Variants in SLCO1C1 observed in about 807,000 individuals in gnomAD.
SLCO1C1 encodes the protein solute carrier organic anion transporter family member 1C1.
A neutral mutation model predicts 76.4 loss-of-function variants in SLCO1C1; 70 were observed. The ratio of observed to expected loss-of-function variants is 0.92; its 90% CI spans 0.76 to 1.12. SLCO1C1 has a LOEUF of 1.12. Ranked by LOEUF, SLCO1C1 falls within the 50% of genes most tolerant of loss-of-function variation. The pLI is 0.00. For missense variants in SLCO1C1, 912 were observed against 823.8 expected (o/e 1.11, Z -1.31); for synonymous variants, 306 against 286.1 (o/e 1.07, Z -0.70).
chr12:20,717,638 A>T (rs912888572), intron 7 of SLCO1C1, among the ~76,000 whole-genome samples: 1 of 136,868 alleles, frequency 7.3e-6, no homozygotes, highest in Admixed American at 7.4e-5. Context: ...CTGGCAACCA[A>T]ACAGCCCTTC....
At chr12:20,725,299 ATAT>A (rs1947921490) in intron 9 of SLCO1C1, among the ~76,000 whole-genome samples, 1 of 134,954 alleles carries the variant, frequency 7.4e-6, no homozygotes, top group Non-Finnish European at 1.6e-5. Context: ...TATTTATAAT[ATAT>A]TATAGCATAT....
At chr12:20,717,099 CT>C (rs3983551) in intron 6 of SLCO1C1, 32 bp from the exon 7 acceptor site, 36,507 of 1,130,166 alleles carry the variant, frequency 0.032, 19 homozygotes, top group South Asian at 0.052. Context: ...GAAATGACAG[CT>C]TTTTTTTTTT....
At chr12:20,723,368 G>A in intron 9 of SLCO1C1, 114 bp downstream of exon 9, 1 of 1,267,824 alleles carries the variant, frequency 7.9e-7, no homozygotes, top group South Asian at 1.4e-5. Context: ...TGACATTTTA[G>A]ATGAGCTCAA....
intron 13 of SLCO1C1, among the ~76,000 whole-genome samples, chr12:20,746,356 GA>G (rs34727412): frequency 1.3e-5 from 2 of 151,716 alleles, no homozygotes; most frequent in African/African-American, 4.8e-5. Flanking sequence ...AAATAAAGGA[GA>G]AAAAAATCAT....
intron 5 of SLCO1C1, among the ~76,000 whole-genome samples, chr12:20,714,154 G>A (rs1947260297): frequency 1.3e-5 from 2 of 152,172 alleles, no homozygotes; most frequent in Non-Finnish European, 2.9e-5. Flanking sequence ...GCCCAAAGGT[G>A]TTCACCTTAG....
chr12:20,752,322 C>T lies in SLCO1C1; in HGVS notation c.1933C>T (p.Leu645=), dbSNP rs779611423. ...SNVFRHIYLG[L]TVILGTVSIL... ...TTCTTCTAGACATATATATCTGGGA[C>T]TAACTGTGATACTGGGCACAGTGTC... Residue 645 remains leucine, a synonymous_variant, in exon 15 of 15, where the codon CTA becomes TTA. Coordinates refer to ENST00000266509, the MANE Select transcript of SLCO1C1 (RefSeq NM_017435.5). 6.9e-6 allele frequency: 11 copies of T among 1,592,374 alleles called. No individual in the cohort carries two copies. The highest frequency in any genetic ancestry group is 9.4e-6 in the Non-Finnish European group (11 of 1,167,276).
At position 20,701,587 on chromosome 12, in the gene SLCO1C1, T is replaced by TTTTTC. The variant is rs58577558; in HGVS notation, c.271+128_271+129insTTTTC. ...TTCATAAAATCTTTTTTTTTTTTTT[T>TTTTTC]GGACAGAATTTACCATGATCTTATT... is the stretch of plus-strand genomic sequence containing the variant. On this transcript the variant is annotated intron_variant, in intron 3 of 14. Coordinates refer to ENST00000266509, the MANE Select transcript of SLCO1C1 (RefSeq NM_017435.5). The TTTTTC allele has an allele frequency of 2.0e-5, 17 of 835,100 alleles. No homozygotes were observed. In the African/African-American group the frequency reaches 3.0e-4, roughly 15 times the overall value. The allele number at this position is 835,100 out of a possible 1,614,324, so 51.7% of individuals were successfully genotyped here. A position where few individuals can be genotyped will look rare whatever the true frequency, so the allele number is the denominator to read the frequency against.
At chr12:20,744,699 G>A (rs1300981485) in intron 13 of SLCO1C1, among the ~76,000 whole-genome samples, 1 of 152,064 alleles carries the variant, frequency 6.6e-6, no homozygotes, top group African/African-American at 2.4e-5. Flanking sequence ...GGAAAATGAT[G>A]TTCTTTATTG....
chr12:20,711,300 A>AC (rs1947085502), intron 4 of SLCO1C1, 86 bp from the exon 5 acceptor site: 1 of 1,431,742 alleles, frequency 7.0e-7, no homozygotes, highest in South Asian at 1.4e-5. Context: ...TCAACCTGGT[A>AC]CCCTAACGAT....
chr12:20,704,689 G>C (rs922097172), intron 3 of SLCO1C1, among the ~76,000 whole-genome samples: 2 of 149,684 alleles, frequency 1.3e-5, no homozygotes, highest in Non-Finnish European at 3.0e-5. Flanking sequence ...ACTAAAGCTG[G>C]CAATGTGCGT....
rs543758275 is a variant in SLCO1C1 at position 20,735,387 on chromosome 12, T to C, written c.1383-1720T>C. On this transcript the variant is annotated intron_variant, in intron 10 of 14. Coordinates refer to ENST00000266509, the MANE Select transcript of SLCO1C1 (RefSeq NM_017435.5). ...AATTTGAGCATGTTACCCACCCACG[T>C]AGGGGCTGACTTCCTTGATCTGCCA... is the stretch of plus-strand genomic sequence containing the variant. Among the ~76,000 whole-genome samples the C allele has an allele frequency of 1.1e-3, 165 of 152,248 alleles. 1 individual carries two copies. The highest frequency in any genetic ancestry group is 5.8e-4 in the East Asian group (3 of 5,180).
intron 9 of SLCO1C1, among the ~76,000 whole-genome samples, chr12:20,728,091 G>A (rs1193498040): frequency 6.6e-6 from 1 of 152,126 alleles, no homozygotes; most frequent in Admixed American, 6.5e-5. Flanking sequence ...TCTTTGCCGA[G>A]TGTGATACTG....
chr12:20,716,481 A>C (rs1349472210), intron 6 of SLCO1C1, among the ~76,000 whole-genome samples: 3 of 152,198 alleles, frequency 2.0e-5, no homozygotes, highest in African/African-American at 7.2e-5. Flanking sequence ...TGAAATGAAA[A>C]ACAGATTGGA....
chr12:20,739,687 G>A (rs904090196), intron 11 of SLCO1C1, among the ~76,000 whole-genome samples: 2 of 152,176 alleles, frequency 1.3e-5, no homozygotes, highest in African/African-American at 2.4e-5. Flanking sequence ...TGGAGAAAGT[G>A]TAAACTGTTA....
At chr12:20,704,928 A>G (rs1436457208) in intron 3 of SLCO1C1, among the ~76,000 whole-genome samples, 1 of 151,906 alleles carries the variant, frequency 6.6e-6, no homozygotes, top group East Asian at 1.9e-4. Context: ...ACCCTAAACA[A>G]TGTTTATCAA....
intron 5 of SLCO1C1, among the ~76,000 whole-genome samples, chr12:20,712,603 T>C (rs1947166198): frequency 6.6e-6 from 1 of 152,200 alleles, no homozygotes; most frequent in African/African-American, 2.4e-5. Flanking sequence ...AACCACATTG[T>C]ATACAGGCAG....
Position 20,737,095 on chromosome 12 carries a change from A to T in SLCO1C1, c.1383-12A>T. On this transcript the variant is annotated splice_polypyrimidine_tract_variant and intron_variant, in intron 10 of 14. Coordinates refer to ENST00000266509, the MANE Select transcript of SLCO1C1 (RefSeq NM_017435.5). ...AAGAGGTAATATTTTATATTGTTAT[A>T]TTTCTTTTCAGAACCAAACCTGTCT... is the stretch of plus-strand genomic sequence containing the variant. 6.7e-7 allele frequency: 1 copy of T among 1,495,724 alleles called. No homozygotes were observed. The highest frequency in any genetic ancestry group is 1.5e-5 in the African/African-American group (1 of 68,488). The allele number at this position is 1,495,724 out of a possible 1,614,324, so 92.7% of individuals were successfully genotyped here. A position where few individuals can be genotyped will look rare whatever the true frequency, so the allele number is the denominator to read the frequency against.
At chr12:20,741,523 T>A (rs1005839422) in intron 12 of SLCO1C1, among the ~76,000 whole-genome samples, 1 of 152,186 alleles carries the variant, frequency 6.6e-6, no homozygotes, top group Admixed American at 6.6e-5. Context: ...CAACATCACC[T>A]GGGTCAGAAT....
At chr12:20,740,130 T>C (rs1948734892) in intron 11 of SLCO1C1, 54 bp from the exon 12 acceptor site, 1 of 1,474,686 alleles carries the variant, frequency 6.8e-7, no homozygotes, top group Admixed American at 2.1e-5. Context: ...TAACTGTCTT[T>C]AACTTTATTT....
Sources: gnomAD v4.1 joint callset for allele counts (sites outside exome capture counted in the v4.1 genomes callset) on GRCh38, gnomAD v4.1.1 for gene constraint, MANE v1.5 for transcripts, NCBI Gene and HGNC (gene_info 2026-07-23, HGNC 2026-07-21) for gene names.